The following SRPK1 variants were observed in gnomAD, a reference collection of about 807,000 sequenced individuals.
The protein encoded by SRPK1 is SRSF protein kinase 1.
Under a neutral mutation model 89.5 loss-of-function variants are expected in SRPK1, and 52 were observed. The ratio of observed to expected loss-of-function variants is 0.58; its 90% CI spans 0.46 to 0.73. The LOEUF is 0.73. Ranked by LOEUF, SRPK1 falls within the 30% of genes least tolerant of loss-of-function variation. The pLI is 0.00. For missense variants in SRPK1, 603 were observed against 780.6 expected (o/e 0.77, Z 2.71); for synonymous variants, 255 against 270.2 (o/e 0.94, Z 0.55).
Position 35,835,262 on chromosome 6 carries a change from G to A in SRPK1, c.*42C>T, listed in dbSNP as rs909439386. ...GGAAAATGCTTGAAGGGGAAGGGCG[G>A]AGGGTCAGTGTGTGATCTCTGCTGT... On this transcript the variant is annotated 3_prime_UTR_variant, in exon 16 of 16. Coordinates refer to ENST00000373825, the MANE Select transcript of SRPK1 (RefSeq NM_003137.5). The A allele has an allele frequency of 2.0e-6, 3 of 1,533,064 alleles. No individual in the cohort carries two copies. Among genetic ancestry groups the A allele is most frequent in the Admixed American group, 3.8e-5 (2 of 53,222 alleles). The allele number at this position is 1,533,064 out of a possible 1,614,324, so 95.0% of individuals were successfully genotyped here. A position where few individuals can be genotyped will look rare whatever the true frequency, so the allele number is the denominator to read the frequency against.
chr6:35,904,325 G>C (rs1208980094), intron 2 of SRPK1, among the ~76,000 whole-genome samples: 1 of 151,832 alleles, frequency 6.6e-6, no homozygotes, highest in East Asian at 1.9e-4. Context: ...CCTCCACTAC[G>C]AGGCCCATGG....
chr6:35,870,235 C>T lies in SRPK1; in HGVS notation c.991+46G>A, dbSNP rs373176190. 86 of 1,524,508 alleles carry T rather than the reference C, an allele frequency of 5.6e-5. 1 individual carries two copies. The African/African-American group carries it at 9.6e-4, about 17-fold the overall frequency. 94.4% of individuals were successfully genotyped at this position (1,524,508 alleles called of 1,614,324 possible). On this transcript the variant is annotated intron_variant, in intron 10 of 15. Transcript: ENST00000373825. ...GTATTATATAGCAATGATAAATTAA[C>T]GTTAAAGTGTGTTGTACAGTAATTT...
intron 3 of SRPK1, 70 bp from the exon 4 acceptor site, chr6:35,888,993 A>C: frequency 2.9e-6 from 3 of 1,032,396 alleles, no homozygotes; most frequent in Non-Finnish European, 4.5e-6. Flanking sequence ...AGGCATTTTT[A>C]ACATCACATT....
Position 35,833,663 on chromosome 6 carries a change from A to G in SRPK1, c.*1641T>C, listed in dbSNP as rs1415192691. ...TGAAGGATCCGATGAATGGCTGGCCAGTTACTCAGAGTAATATGTTTATGA... is the reference window on the plus strand; with the variant it reads ...TGAAGGATCCGATGAATGGCTGGCCGGTTACTCAGAGTAATATGTTTATGA... On this transcript the variant is annotated 3_prime_UTR_variant, in exon 16 of 16. Coordinates refer to ENST00000373825, the MANE Select transcript of SRPK1 (RefSeq NM_003137.5). 1 of 152,672 alleles carries G rather than the reference A, an allele frequency of 6.5e-6. No homozygotes were observed. The highest frequency in any genetic ancestry group is 1.9e-4 in the East Asian group (1 of 5,204). 9.5% of individuals were successfully genotyped at this position (152,672 alleles called of 1,614,324 possible).
At chr6:35,869,933 G>A in intron 10 of SRPK1, 32 bp from the exon 11 acceptor site, 1 of 1,512,890 alleles carries the variant, frequency 6.6e-7, no homozygotes, top group Non-Finnish European at 8.8e-7. Flanking sequence ...AAAGATATAT[G>A]CATATGTGTG....
Position 35,857,530 on chromosome 6 carries a change from A to G in SRPK1, c.1513-162T>C, listed in dbSNP as rs190428129. Among the ~76,000 whole-genome samples, 223 of 152,350 alleles carry G rather than the reference A, an allele frequency of 1.5e-3. 3 individuals are homozygous for G. The highest frequency in any genetic ancestry group is 5.0e-3 in the African/African-American group (207 of 41,588). On this transcript the variant is annotated intron_variant, in intron 12 of 15. Coordinates refer to ENST00000373825, the MANE Select transcript of SRPK1 (RefSeq NM_003137.5). ...CAGCATTTTTATGTTATTAGCTCCA[A>G]CAATCCTTTGCCTTACACACAGCTA...
At chr6:35,859,245 A>G (rs1408607364) in intron 12 of SRPK1, among the ~76,000 whole-genome samples, 1 of 152,200 alleles carries the variant, frequency 6.6e-6, no homozygotes, top group Non-Finnish European at 1.5e-5. Flanking sequence ...ACAAAATTGG[A>G]TTAATATAAC....
At chr6:35,877,857 G>A (rs918379145) in intron 6 of SRPK1, among the ~76,000 whole-genome samples, 38 of 147,184 alleles carry the variant, frequency 2.6e-4, no homozygotes, top group Non-Finnish European at 3.1e-4. Flanking sequence ...AAAAAAAAAA[G>A]ACTTGAAAAT....
intron 2 of SRPK1, among the ~76,000 whole-genome samples, chr6:35,913,869 TA>T (rs1011905674): frequency 2.0e-5 from 3 of 150,440 alleles, no homozygotes; most frequent in African/African-American, 7.3e-5. Flanking sequence ...GCCACGGTTT[TA>T]AAAATCAATT....
intron 13 of SRPK1, among the ~76,000 whole-genome samples, chr6:35,854,553 C>T (rs1000018594): frequency 2.0e-4 from 30 of 152,086 alleles, no homozygotes; most frequent in African/African-American, 7.2e-4. Context: ...TACTTCCATT[C>T]CTTGGTCAAG....
At chr6:35,863,015 T>C (rs748892524) in intron 12 of SRPK1, among the ~76,000 whole-genome samples, 4 of 151,876 alleles carry the variant, frequency 2.6e-5, no homozygotes, top group East Asian at 3.9e-4. Flanking sequence ...GCTGGGTGTG[T>C]TGGCATGCAC....
At chr6:35,875,963 T>C (rs376005481) in intron 6 of SRPK1, among the ~76,000 whole-genome samples, 3 of 152,090 alleles carry the variant, frequency 2.0e-5, no homozygotes, top group African/African-American at 7.2e-5. Flanking sequence ...GAATGCATAT[T>C]CTAATGCAAT....
intron 6 of SRPK1, among the ~76,000 whole-genome samples, chr6:35,885,842 T>C (rs988365912): frequency 6.6e-6 from 1 of 152,186 alleles, no homozygotes; most frequent in Non-Finnish European, 1.5e-5. Context: ...AAATCAGCTA[T>C]GGTTCCTTTC....
chr6:35,898,860 T>A (rs1770681659), intron 2 of SRPK1, among the ~76,000 whole-genome samples: 1 of 152,128 alleles, frequency 6.6e-6, no homozygotes, highest in Non-Finnish European at 1.5e-5. Context: ...AAAACAAAAA[T>A]GTCAACAAAT....
intron 2 of SRPK1, among the ~76,000 whole-genome samples, chr6:35,893,494 A>G (rs541386466): frequency 2.1e-5 from 3 of 143,890 alleles, no homozygotes; most frequent in South Asian, 4.5e-4. Flanking sequence ...CAAAAAAAAA[A>G]GGGGTGGGGG....
At chr6:35,914,381 T>G (rs923843936) in intron 2 of SRPK1, among the ~76,000 whole-genome samples, 1 of 152,230 alleles carries the variant, frequency 6.6e-6, no homozygotes, top group Non-Finnish European at 1.5e-5. Flanking sequence ...ATTTTATAGA[T>G]TACCAGATTT....
chr6:35,859,459 C>T (rs1561973921), intron 12 of SRPK1, among the ~76,000 whole-genome samples: 1 of 152,166 alleles, frequency 6.6e-6, no homozygotes, highest in Non-Finnish European at 1.5e-5. Flanking sequence ...GTTTCAGAAT[C>T]CCCCGAGTAT....
chr6:35,895,870 C>G (rs188732669), intron 2 of SRPK1, among the ~76,000 whole-genome samples: 16 of 152,122 alleles, frequency 1.1e-4, no homozygotes, highest in Non-Finnish European at 2.2e-4. Flanking sequence ...CATGAAAGGC[C>G]CAAGAGGGTG....
intron 6 of SRPK1, among the ~76,000 whole-genome samples, chr6:35,880,988 T>C (rs1770275917): frequency 6.6e-6 from 1 of 151,924 alleles, no homozygotes. Flanking sequence ...TCACTAAGAT[T>C]ATCAGCAAGT....
Sources: allele counts gnomAD v4.1 joint callset (sites outside exome capture counted in the v4.1 genomes callset), GRCh38; gene constraint gnomAD v4.1.1; transcripts MANE v1.5; gene names NCBI Gene and HGNC (gene_info 2026-07-23, HGNC 2026-07-21).